Variants in CDH20 observed in about 807,000 individuals in gnomAD.
CDH20 encodes cadherin-20.
Under a neutral mutation model 74.2 loss-of-function variants are expected in CDH20, and 29 were observed. The ratio of observed to expected loss-of-function variants is 0.39; its 90% CI spans 0.29 to 0.53. CDH20 has a LOEUF of 0.53. Among genes scored for constraint, CDH20 ranks in the 20% least tolerant of loss-of-function variants. The pLI is 0.69. For synonymous variants in CDH20, 469 were observed against 405.4 expected (o/e 1.16, Z -1.88); for missense variants, 988 against 1,048.3 (o/e 0.94, Z 0.79).
intron 1 of CDH20, among the ~76,000 whole-genome samples, chr18:61,383,658 T>C (rs756334057): frequency 6.6e-6 from 1 of 152,192 alleles, no homozygotes; most frequent in Non-Finnish European, 1.5e-5. Flanking sequence ...ACCTGAAATA[T>C]TTACATATCT....
intron 1 of CDH20, among the ~76,000 whole-genome samples, chr18:61,476,778 G>A (rs1292808614): frequency 1.3e-5 from 2 of 152,186 alleles, no homozygotes; most frequent in African/African-American, 4.8e-5. Context: ...TGGGATTCAC[G>A]ATGGCTTCAC....
At chr18:61,553,218 T>C (rs990812087) in intron 11 of CDH20, among the ~76,000 whole-genome samples, 1 of 151,880 alleles carries the variant, frequency 6.6e-6, no homozygotes, top group Admixed American at 6.6e-5. Flanking sequence ...TATTTTGCAG[T>C]GCTGTCAAAC....
Position 61,492,956 on chromosome 18 carries a change from T to C in CDH20, c.246+2157T>C, listed in dbSNP as rs1247995946. ...AGTAAGGATTAAATAAGCTAATGCATGTAAAGCACTTTGCACAGTACTTAA... is the reference window on the plus strand; with the variant it reads ...AGTAAGGATTAAATAAGCTAATGCACGTAAAGCACTTTGCACAGTACTTAA... On this transcript the variant is annotated intron_variant, in intron 2 of 11. Transcript: ENST00000262717. Among the ~76,000 whole-genome samples, 3 of 152,224 alleles carry C rather than the reference T, an allele frequency of 2.0e-5. No individual in the cohort carries two copies. In the East Asian group the frequency reaches 5.8e-4, roughly 29 times the overall value.
intron 1 of CDH20, among the ~76,000 whole-genome samples, chr18:61,477,311 G>A (rs1910424716): frequency 6.6e-6 from 1 of 152,172 alleles, no homozygotes; most frequent in African/African-American, 2.4e-5. Flanking sequence ...TTCCATAAAG[G>A]TAACTGGGAT....
chr18:61,446,654 A>T (rs1169815400), intron 1 of CDH20, among the ~76,000 whole-genome samples: 3 of 152,044 alleles, frequency 2.0e-5, no homozygotes, highest in African/African-American at 7.2e-5. Flanking sequence ...CCTAATTATC[A>T]AGTACCTTCT....
chr18:61,395,278 C>G (rs923772655), intron 1 of CDH20, among the ~76,000 whole-genome samples: 2 of 152,142 alleles, frequency 1.3e-5, no homozygotes, highest in Non-Finnish European at 1.5e-5. Context: ...AGTTTACAAG[C>G]CTTTGTAACC....
intron 1 of CDH20, among the ~76,000 whole-genome samples, chr18:61,428,463 G>C (rs1913146551): frequency 6.6e-6 from 1 of 152,192 alleles, no homozygotes; most frequent in African/African-American, 2.4e-5. Context: ...CAGTGCAAAA[G>C]CGGTAGCACA....
chr18:61,387,015 T>A (rs80138608), intron 1 of CDH20, among the ~76,000 whole-genome samples: 9,916 of 152,298 alleles, frequency 0.065, 446 homozygotes, highest in East Asian at 0.12. Context: ...TTAAAAAAAG[T>A]TATAAATATG....
chr18:61,415,707 A>G (rs1912659314), intron 1 of CDH20, among the ~76,000 whole-genome samples: 1 of 152,166 alleles, frequency 6.6e-6, no homozygotes, highest in African/African-American at 2.4e-5. Flanking sequence ...AAATTTTTGA[A>G]CCAGATTTAT....
chr18:61,368,202 C>A (rs1055058236), intron 1 of CDH20, among the ~76,000 whole-genome samples: 2 of 152,074 alleles, frequency 1.3e-5, no homozygotes, highest in Non-Finnish European at 2.9e-5. Flanking sequence ...TTGACTCCAT[C>A]TGCTGCTTTA....
chr18:61,439,810 A>T (rs963397047), intron 1 of CDH20, among the ~76,000 whole-genome samples: 1 of 152,184 alleles, frequency 6.6e-6, no homozygotes, highest in Non-Finnish European at 1.5e-5. Flanking sequence ...TAACCCCCAT[A>T]TGTGGAGAAC....
At chr18:61,549,903 G>GC (rs759743961) in intron 10 of CDH20, 75 bp from the exon 11 acceptor site, 1 of 1,488,160 alleles carries the variant, frequency 6.7e-7, no homozygotes, top group Non-Finnish European at 9.2e-7. Flanking sequence ...CCCTGCCCCT[G>GC]CCCCCTTGCT....
chr18:61,421,337 C>T (rs12970650), intron 1 of CDH20, among the ~76,000 whole-genome samples: 30,142 of 152,106 alleles, frequency 0.2, 3,240 homozygotes, highest in Middle Eastern at 0.3. Context: ...ATAAATTTCA[C>T]TTAATGAAAT....
At chr18:61,383,473 T>C (rs1201784215) in intron 1 of CDH20, among the ~76,000 whole-genome samples, 1 of 152,014 alleles carries the variant, frequency 6.6e-6, no homozygotes, top group Non-Finnish European at 1.5e-5. Flanking sequence ...CCCAGCTACT[T>C]GGTAGACCAA....
At chr18:61,520,049 G>T (rs1299472004) in intron 6 of CDH20, among the ~76,000 whole-genome samples, 1 of 150,886 alleles carries the variant, frequency 6.6e-6, no homozygotes, top group Non-Finnish European at 1.5e-5. Context: ...AGGCGTGGTG[G>T]CTCACTCCTG....
chr18:61,502,908 A>C, intron 4 of CDH20, 45 bp from the exon 5 acceptor site: 1 of 1,511,498 alleles, frequency 6.6e-7, no homozygotes. Flanking sequence ...TAAAAACTGG[A>C]CCTGTGGTTT....
intron 6 of CDH20, among the ~76,000 whole-genome samples, chr18:61,514,389 T>C (rs1568172244): frequency 1.3e-5 from 2 of 152,212 alleles, no homozygotes; most frequent in Non-Finnish European, 2.9e-5. Context: ...GTTATTCTAG[T>C]TATACATTCT....
chr18:61,381,120 T>C (rs1040284067), intron 1 of CDH20, among the ~76,000 whole-genome samples: 2 of 152,180 alleles, frequency 1.3e-5, no homozygotes, highest in East Asian at 1.9e-4. Flanking sequence ...CTTACCTATG[T>C]GCTTATTTTA....
intron 1 of CDH20, among the ~76,000 whole-genome samples, chr18:61,477,898 T>G (rs976887826): frequency 4.4e-4 from 67 of 152,256 alleles, no homozygotes; most frequent in African/African-American, 1.5e-3. Context: ...AAGCTAATTG[T>G]GAAAGTAAAA....
Sources: gnomAD v4.1 joint callset for allele counts (sites outside exome capture counted in the v4.1 genomes callset) on GRCh38, gnomAD v4.1.1 for gene constraint, MANE v1.5 for transcripts, NCBI Gene and HGNC (gene_info 2026-07-23, HGNC 2026-07-21) for gene names.